The following STX8 variants were observed in gnomAD, a reference collection of about 807,000 sequenced individuals.
STX8 encodes syntaxin-8.
Under a neutral mutation model 37.5 loss-of-function variants are expected in STX8, and 23 were observed. The ratio of observed to expected loss-of-function variants is 0.61; its 90% CI spans 0.44 to 0.87. The LOEUF is 0.87. STX8 is among the 40% of genes least tolerant of loss of function. The pLI, the probability that STX8 is intolerant of heterozygous loss-of-function variation, is 0.00. For missense variants in STX8, 313 were observed against 284.7 expected (o/e 1.10, Z -0.71); for synonymous variants, 115 against 99.1 (o/e 1.16, Z -0.95).
intron 7 of STX8, among the ~76,000 whole-genome samples, chr17:9,320,615 G>A (rs1269325543): frequency 2.0e-5 from 3 of 151,932 alleles, no homozygotes; most frequent in South Asian, 2.1e-4. Flanking sequence ...CCTTGTGGCC[G>A]GGCATGGTGG....
chr17:9,500,783 A>G (rs1258573830), intron 5 of STX8, among the ~76,000 whole-genome samples: 1 of 152,210 alleles, frequency 6.6e-6, no homozygotes, highest in Non-Finnish European at 1.5e-5. Context: ...CGGGCAGATC[A>G]CGAGGTCAGG....
At chr17:9,304,838 T>C (rs1054074937) in intron 7 of STX8, among the ~76,000 whole-genome samples, 1 of 151,550 alleles carries the variant, frequency 6.6e-6, no homozygotes, top group Non-Finnish European at 1.5e-5. Flanking sequence ...CCTTTAGCTA[T>C]ACCTCTACAC....
At chr17:9,317,180 G>A (rs1031447270) in intron 7 of STX8, among the ~76,000 whole-genome samples, 1 of 152,138 alleles carries the variant, frequency 6.6e-6, no homozygotes, top group Non-Finnish European at 1.5e-5. Context: ...AACTGAAAAA[G>A]AACCAGTGGT....
intron 7 of STX8, among the ~76,000 whole-genome samples, chr17:9,277,660 T>C (rs1854748474): frequency 6.6e-6 from 1 of 152,136 alleles, no homozygotes; most frequent in African/African-American, 2.4e-5. Context: ...ATAAACAAGA[T>C]GTTATGACAA....
At chr17:9,477,976 C>CA (rs1370884812) in intron 6 of STX8, among the ~76,000 whole-genome samples, 1 of 152,148 alleles carries the variant, frequency 6.6e-6, no homozygotes, top group Non-Finnish European at 1.5e-5. Flanking sequence ...CCCATATCCA[C>CA]ACGGGTGTGG....
At chr17:9,401,093 A>C (rs543558401) in intron 6 of STX8, among the ~76,000 whole-genome samples, 1 of 152,344 alleles carries the variant, frequency 6.6e-6, no homozygotes, top group East Asian at 1.9e-4. Context: ...AAATGCTAAC[A>C]GGATCACAGC....
In STX8 at chr17:9,356,960, G is replaced by GTTTTTTTTTTTTTT. The variant is rs140965935; in HGVS notation, c.643+21578_643+21591dup. Among the ~76,000 whole-genome samples the GTTTTTTTTTTTTTT allele has an allele frequency of 3.1e-4, 19 of 61,746 alleles. 1 individual carries two copies. Among genetic ancestry groups the GTTTTTTTTTTTTTT allele is most frequent in the East Asian group, 1.1e-3 (2 of 1,756 alleles). The allele number at this position is 61,746 out of a possible 152,430, so 40.5% of individuals were successfully genotyped here. A position where few individuals can be genotyped will look rare whatever the true frequency, so the allele number is the denominator to read the frequency against. ...TTTCATTCTCTCCATCCTTTTAACA[G>GTTTTTTTTTTTTTT]TTTTTTTTTTTTTTTTTTTTTTTTT... On this transcript the variant is annotated intron_variant, in intron 7 of 7. Transcript: ENST00000306357.
chr17:9,386,964 G>A (rs1369613717), intron 6 of STX8, among the ~76,000 whole-genome samples: 1 of 151,874 alleles, frequency 6.6e-6, no homozygotes, highest in Non-Finnish European at 1.5e-5. Flanking sequence ...CCACCTCCCG[G>A]GTTCAAACAA....
chr17:9,500,849 CA>C (rs1382568083), intron 5 of STX8, among the ~76,000 whole-genome samples: 2 of 151,764 alleles, frequency 1.3e-5, no homozygotes, highest in African/African-American at 2.4e-5. Flanking sequence ...TAAAAAAATA[CA>C]AAAAATTAGC....
intron 7 of STX8, among the ~76,000 whole-genome samples, chr17:9,314,732 C>A (rs1909321960): frequency 6.7e-6 from 1 of 149,926 alleles, no homozygotes; most frequent in Non-Finnish European, 1.5e-5. Context: ...TCTGTATATA[C>A]CCTGAGGAAT....
At position 9,459,101 on chromosome 17, in the gene STX8, G is replaced by A. The variant is rs1035259617; in HGVS notation, c.541+32728C>T. ...CCTGCCTTGGCCTCCCAAAGTGCTC[G>A]AATTACAGGCGTGAGCCACCATGCC... On this transcript the variant is annotated intron_variant, in intron 6 of 7. Coordinates refer to ENST00000306357, the MANE Select transcript of STX8 (RefSeq NM_004853.3). 1.1e-4 allele frequency among the ~76,000 whole-genome samples: 17 copies of A among 152,178 alleles called. 1 individual carries two copies. In the East Asian group the frequency reaches 2.3e-3, roughly 21 times the overall value.
intron 6 of STX8, among the ~76,000 whole-genome samples, chr17:9,468,313 T>C (rs1905705827): frequency 1.3e-5 from 2 of 152,158 alleles, no homozygotes; most frequent in Admixed American, 1.3e-4. Context: ...TTTCACCATG[T>C]TGGCCAGGCT....
At chr17:9,265,600 GAA>G (rs1367091591) in intron 7 of STX8, among the ~76,000 whole-genome samples, 3 of 152,240 alleles carry the variant, frequency 2.0e-5, no homozygotes, top group African/African-American at 7.2e-5. Flanking sequence ...CTCAACAAAT[GAA>G]ACAGAAGGTC....
At chr17:9,496,974 G>A (rs1470746214) in intron 5 of STX8, among the ~76,000 whole-genome samples, 2 of 152,276 alleles carry the variant, frequency 1.3e-5, no homozygotes, top group Non-Finnish European at 2.9e-5. Context: ...TCATAAATGT[G>A]TTTTAAGTCA....
intron 6 of STX8, among the ~76,000 whole-genome samples, chr17:9,428,241 T>C (rs1029214306): frequency 6.8e-6 from 1 of 147,580 alleles, no homozygotes; most frequent in Non-Finnish European, 1.5e-5. Context: ...ATGACTTTTG[T>C]TTTGTTTTGT....
At chr17:9,431,191 G>A (rs1913954829) in intron 6 of STX8, among the ~76,000 whole-genome samples, 2 of 149,272 alleles carry the variant, frequency 1.3e-5, no homozygotes, top group Non-Finnish European at 3.0e-5. Flanking sequence ...GAGTTGCTGA[G>A]CATCTCATTG....
chr17:9,370,290 G>C (rs1463621072), intron 7 of STX8, among the ~76,000 whole-genome samples: 3 of 152,164 alleles, frequency 2.0e-5, no homozygotes, highest in Non-Finnish European at 1.5e-5. Flanking sequence ...ACTAGTCATT[G>C]TGCCACCTAA....
chr17:9,518,287 C>T (rs1425414240), intron 4 of STX8, among the ~76,000 whole-genome samples: 1 of 152,072 alleles, frequency 6.6e-6, no homozygotes, highest in Non-Finnish European at 1.5e-5. Flanking sequence ...AAACACTCTT[C>T]CCAGGTCTTA....
intron 1 of STX8, among the ~76,000 whole-genome samples, chr17:9,571,524 G>A (rs540626720): frequency 1.9e-4 from 28 of 150,322 alleles, no homozygotes; most frequent in African/African-American, 4.6e-4. Flanking sequence ...GCTGGAACCC[G>A]GGAGGCAGAG....
Sources: gnomAD v4.1 joint callset for allele counts (sites outside exome capture counted in the v4.1 genomes callset) on GRCh38, gnomAD v4.1.1 for gene constraint, MANE v1.5 for transcripts, NCBI Gene and HGNC (gene_info 2026-07-23, HGNC 2026-07-21) for gene names.